ELN: variants seen among roughly 807,000 people sequenced by gnomAD.
ELN encodes the protein elastin.
Under a neutral mutation model 105.8 loss-of-function variants are expected in ELN, and 65 were observed. The observed-to-expected ratio is 0.61, with a 90% CI of 0.50 to 0.75. The LOEUF (loss-of-function observed/expected upper bound fraction) is 0.75. Ranked by LOEUF, ELN falls within the 30% of genes least tolerant of loss-of-function variation. The pLI, the probability that ELN is intolerant of heterozygous loss-of-function variation, is 0.00. For missense variants in ELN, 882 were observed against 969.4 expected, an observed-to-expected ratio of 0.91 and a Z score of 1.20; for synonymous variants, 368 against 389.2, an observed-to-expected ratio of 0.95 and a Z score of 0.64.
rs1340239844 is a variant in ELN at position 74,043,687 on chromosome 7, G to A, written c.428-192G>A. 1.6e-5 allele frequency: 11 copies of A among 709,446 alleles called. 1 individual carries two copies. In the Middle Eastern group the frequency reaches 9.7e-4, roughly 63 times the overall value. 43.9% of individuals were successfully genotyped at this position (709,446 alleles called of 1,614,324 possible). On this transcript the variant is annotated intron_variant, in intron 8 of 32. Coordinates refer to ENST00000252034, the MANE Select transcript of ELN (RefSeq NM_000501.4). ...GGAGACGGAGATAAATCCACACACCGAAGAGTTTGCAGATGACTTCCGAAA... is the reference window on the plus strand; with the variant it reads ...GGAGACGGAGATAAATCCACACACCAAAGAGTTTGCAGATGACTTCCGAAA...
intron 10 of ELN, chr7:74,045,945 G>A: frequency 1.8e-6 from 1 of 545,734 alleles, no homozygotes; most frequent in Admixed American, 3.1e-5. Context: ...TGAGGCGGGA[G>A]AATCGCCAGA....
intron 2 of ELN, among the ~76,000 whole-genome samples, chr7:74,035,878 G>A (rs1464771616): frequency 6.6e-6 from 1 of 151,984 alleles, no homozygotes; most frequent in Non-Finnish European, 1.5e-5. Flanking sequence ...GTTCAAGGCT[G>A]CAGTGAGCTA....
chr7:74,037,285 C>T lies in ELN; in HGVS notation c.164-422C>T, dbSNP rs574577054. Among the ~76,000 whole-genome samples, 69 of 152,140 alleles carry T rather than the reference C, an allele frequency of 4.5e-4. No individual in the cohort carries two copies. In the South Asian group the frequency reaches 0.012, roughly 27 times the overall value. On this transcript the variant is annotated intron_variant, in intron 3 of 32. Coordinates refer to ENST00000252034, the MANE Select transcript of ELN (RefSeq NM_000501.4). ...CTCAGCTCACTGTAACCTCCACCTC[C>T]CAGGTTCAGGTGATTCTCCTGCCTC...
At chr7:74,046,842 GGGA>G in intron 12 of ELN, 75 bp downstream of exon 12, 1 of 1,545,322 alleles carries the variant, frequency 6.5e-7, no homozygotes, top group Non-Finnish European at 8.9e-7. Context: ...CCAGCACTTT[GGGA>G]GGCTAAGGCG....
intron 26 of ELN, among the ~76,000 whole-genome samples, chr7:74,062,827 A>G (rs1796988566): frequency 6.6e-6 from 1 of 152,184 alleles, no homozygotes; most frequent in Non-Finnish European, 1.5e-5. Context: ...CTGGGATTAC[A>G]GGTGTGAGCC....
intron 2 of ELN, 101 bp from the exon 3 acceptor site, chr7:74,036,454 C>A: frequency 6.6e-7 from 1 of 1,522,020 alleles, no homozygotes; most frequent in Non-Finnish European, 9.0e-7. Flanking sequence ...CCCAAGGTCA[C>A]GTAGTTAGGC....
intron 12 of ELN, 60 bp downstream of exon 12, chr7:74,046,827 T>C (rs1252108868): frequency 5.1e-6 from 8 of 1,579,028 alleles, no homozygotes; most frequent in Non-Finnish European, 7.0e-6. Context: ...TTCACACCTG[T>C]AATCCCAGCA....
At chr7:74,036,159 G>A (rs976870185) in intron 2 of ELN, among the ~76,000 whole-genome samples, 1 of 151,698 alleles carries the variant, frequency 6.6e-6, no homozygotes, top group Non-Finnish European at 1.5e-5. Context: ...GTGTGGTGGC[G>A]AGAGCCTCTA....
chr7:74,067,973 G>A (rs1199182464), intron 32 of ELN, among the ~76,000 whole-genome samples: 1 of 146,920 alleles, frequency 6.8e-6, no homozygotes, highest in African/African-American at 2.5e-5. Context: ...TTCAGAGGCA[G>A]ATGTCTGTTC....
chr7:74,041,152 A>C, intron 4 of ELN, 64 bp from the exon 5 acceptor site: 1 of 1,610,006 alleles, frequency 6.2e-7, no homozygotes, highest in Non-Finnish European at 8.5e-7. Flanking sequence ...TAACTCCAGG[A>C]GACATTTCCC....
chr7:74,035,312 C>G, intron 1 of ELN, 52 bp from the exon 2 acceptor site: 6 of 1,604,618 alleles, frequency 3.7e-6, no homozygotes, highest in Non-Finnish European at 5.1e-6. Flanking sequence ...ACTTTTGCAC[C>G]AGCCTAATAG....
At chr7:74,053,508 A>T (rs1251632348) in intron 18 of ELN, among the ~76,000 whole-genome samples, 199 bp downstream of exon 18, 2 of 152,056 alleles carry the variant, frequency 1.3e-5, no homozygotes, top group African/African-American at 2.4e-5. Flanking sequence ...AATCAGTATC[A>T]TATTTTCCAA....
chr7:74,034,906 G>A (rs1789556339), intron 1 of ELN, among the ~76,000 whole-genome samples: 1 of 152,162 alleles, frequency 6.6e-6, no homozygotes, highest in Admixed American at 6.5e-5. Flanking sequence ...TTCAAGACCA[G>A]CCTGCCCAAC....
At chr7:74,065,262 T>C (rs1797683695) in intron 29 of ELN, among the ~76,000 whole-genome samples, 1 of 149,566 alleles carries the variant, frequency 6.7e-6, no homozygotes, top group East Asian at 2.0e-4. Context: ...GAAGGAGAGA[T>C]GGGGGGATAG....
intron 18 of ELN, 148 bp downstream of exon 18, chr7:74,053,457 C>A: frequency 6.8e-7 from 1 of 1,477,234 alleles, no homozygotes; most frequent in Non-Finnish European, 9.1e-7. Context: ...ATCCCCTCAT[C>A]TTCTCTTCCT....
At chr7:74,057,907 T>A (rs1795677321) in intron 22 of ELN, among the ~76,000 whole-genome samples, 1 of 152,150 alleles carries the variant, frequency 6.6e-6, no homozygotes, top group Non-Finnish European at 1.5e-5. Context: ...GGGTGAGCAG[T>A]GTGAGCCTCC....
chr7:74,054,664 C>T, intron 18 of ELN, 52 bp from the exon 19 acceptor site: 1 of 1,580,444 alleles, frequency 6.3e-7, no homozygotes, highest in Non-Finnish European at 8.7e-7. Flanking sequence ...ACATACTACA[C>T]AGCTCTCCTC....
intron 22 of ELN, 127 bp downstream of exon 22, chr7:74,057,823 G>A (rs1270111572): frequency 6.1e-5 from 66 of 1,075,384 alleles, no homozygotes; most frequent in African/African-American, 9.5e-5. Context: ...TCTGGGGTGG[G>A]CCCTCCTTAG....
At chr7:74,041,076 C>G in intron 4 of ELN, 140 bp from the exon 5 acceptor site, 1 of 1,034,730 alleles carries the variant, frequency 9.7e-7, no homozygotes, top group Non-Finnish European at 1.5e-6. Context: ...TTATCAGGAT[C>G]GACCCTGAGC....
Sources: gnomAD v4.1 joint callset for allele counts (sites outside exome capture counted in the v4.1 genomes callset) on GRCh38, gnomAD v4.1.1 for gene constraint, MANE v1.5 for transcripts, NCBI Gene and HGNC (gene_info 2026-07-23, HGNC 2026-07-21) for gene names.